The following OTOGL variants were observed in gnomAD, a reference collection of about 807,000 sequenced individuals.
OTOGL encodes the protein otogelin like.
In OTOGL, 285 loss-of-function variants were observed where a neutral mutation model predicts 318.5. The observed-to-expected ratio is 0.89, with a 90% CI of 0.81 to 0.99. OTOGL has a LOEUF of 0.99. OTOGL is among the 50% of genes least tolerant of loss of function. The pLI is 0.00. For synonymous variants in OTOGL, 987 were observed against 936.5 expected (o/e 1.05, Z -0.99); for missense variants, 2,899 against 2,845.6 (o/e 1.02, Z -0.43).
chr12:80,277,455 T>G (rs921734675), intron 24 of OTOGL, among the ~76,000 whole-genome samples: 3 of 127,048 alleles, frequency 2.4e-5, no homozygotes, highest in Non-Finnish European at 5.0e-5. Flanking sequence ...ATTTTTATAT[T>G]AAAACTTTAT....
chr12:80,300,506 GA>G (rs1885688651), intron 27 of OTOGL, among the ~76,000 whole-genome samples: 1 of 152,112 alleles, frequency 6.6e-6, no homozygotes, highest in Non-Finnish European at 1.5e-5. Context: ...TTGTCTCATT[GA>G]ACTTCACTGA....
chr12:80,357,568 A>G (rs1415031002), intron 49 of OTOGL, among the ~76,000 whole-genome samples: 1 of 152,212 alleles, frequency 6.6e-6, no homozygotes, highest in Non-Finnish European at 1.5e-5. Flanking sequence ...TGTTATTGGA[A>G]GAATCTGGGG....
At chr12:80,135,249 C>CCTCCT (rs1871480201) in intron 1 of OTOGL, among the ~76,000 whole-genome samples, 1 of 75,548 alleles carries the variant, frequency 1.3e-5, no homozygotes, top group African/African-American at 4.7e-5. Flanking sequence ...TTCTTGAGCC[C>CCTCCT]CTCCCCTCCC....
chr12:80,332,493 A>G (rs1888138812), intron 37 of OTOGL, among the ~76,000 whole-genome samples: 2 of 152,056 alleles, frequency 1.3e-5, no homozygotes. Flanking sequence ...TCCCTTTTCT[A>G]TGGGTCACTC....
Position 80,206,190 on chromosome 12 carries a change from C to A in OTOGL, c.-19-3223C>A, listed in dbSNP as rs1876795474. 2.6e-5 allele frequency among the ~76,000 whole-genome samples: 4 copies of A among 152,160 alleles called. No individual in the cohort carries two copies. In the South Asian group the frequency reaches 8.3e-4, roughly 31 times the overall value. ...TTTTGACAGTAATAATTACATGTAG[C>A]AACAGTCATAAATTCTGTGTTTTGT... On this transcript the variant is annotated intron_variant, in intron 1 of 58. Coordinates refer to ENST00000547103, the MANE Select transcript of OTOGL (RefSeq NM_001378609.3).
At chr12:80,145,310 G>A (rs1351429584) in intron 1 of OTOGL, among the ~76,000 whole-genome samples, 1 of 152,112 alleles carries the variant, frequency 6.6e-6, no homozygotes, top group Admixed American at 6.5e-5. Context: ...TTATTAAATA[G>A]GGAATCCTTT....
intron 1 of OTOGL, among the ~76,000 whole-genome samples, chr12:80,177,996 T>C (rs1035492071): frequency 6.6e-6 from 1 of 151,908 alleles, no homozygotes; most frequent in Non-Finnish European, 1.5e-5. Context: ...TTGGAGATTG[T>C]TCTCTCAATT....
chr12:80,286,799 CTAGT>C (rs1884662742), intron 26 of OTOGL, among the ~76,000 whole-genome samples: 1 of 151,978 alleles, frequency 6.6e-6, no homozygotes, highest in African/African-American at 2.4e-5. Flanking sequence ...ATTAGTCTGG[CTAGT>C]GGTCTGTTTT....
intron 11 of OTOGL, among the ~76,000 whole-genome samples, chr12:80,242,415 G>A (rs534140312): frequency 1.2e-4 from 19 of 152,122 alleles, no homozygotes; most frequent in Non-Finnish European, 2.5e-4. Context: ...TAATTAAGTG[G>A]ACGTTGATAA....
chr12:80,121,126 C>G (rs1174744886), intron 1 of OTOGL, among the ~76,000 whole-genome samples: 1 of 152,148 alleles, frequency 6.6e-6, no homozygotes, highest in African/African-American at 2.4e-5. Flanking sequence ...TTACAACTGC[C>G]TTGGAGGTCA....
At chr12:80,371,151 TC>T (rs1186895811) in intron 56 of OTOGL, among the ~76,000 whole-genome samples, 1 of 152,164 alleles carries the variant, frequency 6.6e-6, no homozygotes, top group Non-Finnish European at 1.5e-5. Context: ...GATTGCCTAT[TC>T]TTATGTTTTG....
At chr12:80,186,779 T>C (rs1054425306) in intron 1 of OTOGL, among the ~76,000 whole-genome samples, 4 of 152,048 alleles carry the variant, frequency 2.6e-5, no homozygotes, top group African/African-American at 9.7e-5. Context: ...AAGAGTTCAG[T>C]TAAAAACTGT....
chr12:80,224,764 T>G (rs1274860105), intron 7 of OTOGL, among the ~76,000 whole-genome samples: 2 of 152,052 alleles, frequency 1.3e-5, no homozygotes, highest in African/African-American at 4.8e-5. Flanking sequence ...GTAGATTAAT[T>G]TTGTATCCTG....
intron 37 of OTOGL, among the ~76,000 whole-genome samples, chr12:80,329,647 C>T (rs1747768359): frequency 6.6e-6 from 1 of 152,144 alleles, no homozygotes. Flanking sequence ...TGCTTTCCTC[C>T]CGCCCTGTGA....
chr12:80,108,775 A>G (rs1218189021), intron 1 of OTOGL, among the ~76,000 whole-genome samples: 1 of 125,882 alleles, frequency 7.9e-6, no homozygotes, highest in Non-Finnish European at 1.7e-5. Flanking sequence ...ATACACGTAT[A>G]TATATATATA....
intron 1 of OTOGL, among the ~76,000 whole-genome samples, chr12:80,121,508 G>A (rs184225423): frequency 6.6e-6 from 1 of 152,222 alleles, no homozygotes; most frequent in Admixed American, 6.5e-5. Flanking sequence ...CCTCCCTAGA[G>A]CAGAGAGTCT....
chr12:80,195,306 T>A (rs538010826), intron 1 of OTOGL, among the ~76,000 whole-genome samples: 1 of 152,332 alleles, frequency 6.6e-6, no homozygotes, highest in Non-Finnish European at 1.5e-5. Context: ...CCTGAGAGCA[T>A]GCACACTGAC....
intron 1 of OTOGL, among the ~76,000 whole-genome samples, chr12:80,126,942 C>T (rs886273096): frequency 1.6e-4 from 25 of 152,286 alleles, no homozygotes; most frequent in African/African-American, 5.8e-4. Context: ...TGTCTCTGCA[C>T]ATGAGATGGG....
intron 1 of OTOGL, among the ~76,000 whole-genome samples, chr12:80,161,556 G>A (rs1056459402): frequency 6.6e-5 from 10 of 151,980 alleles, no homozygotes; most frequent in African/African-American, 2.4e-4. Context: ...ATGGGTTGGT[G>A]GTACGGCAAA....
Sources: gnomAD v4.1 joint callset for allele counts (sites outside exome capture counted in the v4.1 genomes callset) on GRCh38, gnomAD v4.1.1 for gene constraint, MANE v1.5 for transcripts, NCBI Gene and HGNC (gene_info 2026-07-23, HGNC 2026-07-21) for gene names.